Variants in ADD1 observed in about 807,000 individuals in gnomAD.
ADD1 encodes adducin 1, also known as alpha-adducin.
A neutral mutation model predicts 80.5 loss-of-function variants in ADD1; 24 were observed. That is an observed-to-expected ratio of 0.30 (90% CI 0.22 to 0.42). ADD1 has a LOEUF of 0.42. ADD1 is among the 10% of genes least tolerant of loss of function. ADD1 has a pLI of 1.00. For synonymous variants in ADD1, 373 were observed against 393.8 expected (o/e 0.95, Z 0.63); for missense variants, 948 against 1,019.0 (o/e 0.93, Z 0.95).
At chr4:2,915,707 C>T (rs1259921367) in intron 14 of ADD1, among the ~76,000 whole-genome samples, 1 of 152,148 alleles carries the variant, frequency 6.6e-6, no homozygotes, top group Admixed American at 6.5e-5. Flanking sequence ...CCTGTAATCC[C>T]AGCTACTCGG....
Position 2,904,834 on chromosome 4 carries a change from A to C in ADD1, c.1232A>C (p.Glu411Ala). Residue 411 changes from glutamate to alanine, a missense_variant, in exon 10 of 16, where the codon GAG becomes GCG. Glu to Ala is a moderately radical substitution (Grantham distance 107). Transcript: ENST00000683351. ...AAGTCTAAAAAATACAGCGATGTGGAGGTTCCTGCTAGTGTCACAGGTTAC... is the reference window on the plus strand; with the variant it reads ...AAGTCTAAAAAATACAGCGATGTGGCGGTTCCTGCTAGTGTCACAGGTTAC... ...REKSKKYSDV[E>A]VPASVTGYSF... is the part of the protein sequence containing the mutation. 2 of 1,614,188 alleles carry C rather than the reference A, an allele frequency of 1.2e-6. No homozygotes were observed. The highest frequency in any genetic ancestry group is 1.7e-6 in the Non-Finnish European group (2 of 1,180,032).
In ADD1 at chr4:2,909,332, G is replaced by A. The variant is rs1439643787; in HGVS notation, c.1699-7G>A. On this transcript the variant is annotated splice_region_variant and splice_polypyrimidine_tract_variant and intron_variant, in intron 12 of 15. Coordinates refer to ENST00000683351, the MANE Select transcript of ADD1 (RefSeq NM_001354761.2). ...GTGTGCTCTGGTGACTCAGTTTACT[G>A]TTTCAGGATGCACCTCTCTCTGACT... 1 of 1,549,628 alleles carries A rather than the reference G, an allele frequency of 6.5e-7. No individual in the cohort carries two copies. The highest frequency in any genetic ancestry group is 1.2e-5 in the South Asian group (1 of 84,030).
At chr4:2,847,010 G>T (rs928304102) in intron 1 of ADD1, among the ~76,000 whole-genome samples, 1 of 152,034 alleles carries the variant, frequency 6.6e-6, no homozygotes, top group Non-Finnish European at 1.5e-5. Flanking sequence ...CCAGCTACTC[G>T]GGAGGCTGAG....
Position 2,905,108 on chromosome 4 carries a change from G to A in ADD1, c.1506G>A (p.Leu502=), listed in dbSNP as rs1468616012. The part of the protein sequence containing the change: ...VCVPSCITNC[L]WTKEDGHRTS... Reference sequence around the variant, plus strand: ...TGCCAAGCTGTATTACCAACTGCTTGGTCTGTGCCTACCTTACTGTTCATA... The same window carrying A: ...TGCCAAGCTGTATTACCAACTGCTTAGTCTGTGCCTACCTTACTGTTCATA... The change falls in exon 10 of 16, where the codon TTG becomes TTA. Residue 502 remains leucine (L), a splice_region_variant and synonymous_variant. Coordinates refer to ENST00000683351, the MANE Select transcript of ADD1 (RefSeq NM_001354761.2). The A allele has an allele frequency of 1.2e-6, 2 of 1,614,072 alleles. No individual in the cohort carries two copies. The highest frequency in any genetic ancestry group is 1.7e-6 in the Non-Finnish European group (2 of 1,179,982).
intron 1 of ADD1, among the ~76,000 whole-genome samples, chr4:2,871,567 T>C (rs2083333866): frequency 6.6e-6 from 1 of 152,214 alleles, no homozygotes; most frequent in Non-Finnish European, 1.5e-5. Flanking sequence ...GACCAGCTCA[T>C]GTAAGGTCTG....
chr4:2,888,581 A>G (rs1181649067), intron 4 of ADD1, among the ~76,000 whole-genome samples: 5 of 148,136 alleles, frequency 3.4e-5, no homozygotes, highest in African/African-American at 1.3e-4. Context: ...ACACACAGCT[A>G]ATTTTTTTGT....
chr4:2,924,164 T>G (rs1345957496), intron 14 of ADD1, among the ~76,000 whole-genome samples: 1 of 152,210 alleles, frequency 6.6e-6, no homozygotes, highest in East Asian at 1.9e-4. Flanking sequence ...CTTGTTTTTG[T>G]CAAAGATGGG....
At chr4:2,844,495 C>T (rs1196024330) in intron 1 of ADD1, 2 of 152,220 alleles carry the variant, frequency 1.3e-5, no homozygotes, top group East Asian at 1.9e-4. Flanking sequence ...TATCTGCCGA[C>T]GGACGCTCGA....
intron 1 of ADD1, among the ~76,000 whole-genome samples, chr4:2,862,266 T>C (rs1253752932): frequency 1.3e-5 from 2 of 152,186 alleles, no homozygotes; most frequent in Non-Finnish European, 2.9e-5. Flanking sequence ...GTGAATGCGC[T>C]CAGAAGGAAT....
At chr4:2,868,087 A>G (rs1252765621) in intron 1 of ADD1, 2 of 152,234 alleles carry the variant, frequency 1.3e-5, no homozygotes, top group African/African-American at 4.8e-5. Flanking sequence ...AACAGGGCAC[A>G]CTCCGTCAGC....
chr4:2,901,076 CAGTT>C (rs961788467), intron 9 of ADD1: 17 of 152,644 alleles, frequency 1.1e-4, no homozygotes, highest in African/African-American at 3.9e-4. Context: ...GCTGAAGAAG[CAGTT>C]AGAGTTGGGT....
In ADD1 at chr4:2,857,534, G is replaced by A. The variant is rs556824325; in HGVS notation, c.-21+13510G>A. Among the ~76,000 whole-genome samples, 3 of 152,312 alleles carry A rather than the reference G, an allele frequency of 2.0e-5. No homozygotes were observed. In the South Asian group the frequency reaches 6.2e-4, roughly 32 times the overall value. ...GAGGTGGGAGGATCACTTGAGCTCA[G>A]GAGGTGGAGGTTGCAGTGAGCTGAG... is the stretch of plus-strand genomic sequence containing the variant. On this transcript the variant is annotated intron_variant, in intron 1 of 15. Coordinates refer to ENST00000683351, the MANE Select transcript of ADD1 (RefSeq NM_001354761.2).
At chr4:2,865,417 G>A (rs1729401688) in intron 1 of ADD1, among the ~76,000 whole-genome samples, 1 of 152,204 alleles carries the variant, frequency 6.6e-6, no homozygotes, top group East Asian at 1.9e-4. Context: ...CAGAGTTAAT[G>A]AAGTATCTCA....
In ADD1 at chr4:2,844,038, G is replaced by A. The variant is rs1725780085; in HGVS notation, c.-21+14G>A. On this transcript the variant is annotated intron_variant, in intron 1 of 15. Transcript: ENST00000683351. ...TTCGCTTCTGAGGTGAGGCTAGCTA[G>A]CGGGGGCGGCGGGGGCCCGGTTCGG... The A allele has an allele frequency of 6.6e-6, 1 of 151,502 alleles. No homozygotes were observed. The highest frequency in any genetic ancestry group is 1.8e-4 in the South Asian group (1 of 5,670). The allele number at this position is 151,502 out of a possible 1,614,324, so 9.4% of individuals were successfully genotyped here. A position where few individuals can be genotyped will look rare whatever the true frequency, so the allele number is the denominator to read the frequency against.
At chr4:2,915,320 A>C (rs1738807910) in intron 14 of ADD1, among the ~76,000 whole-genome samples, 1 of 152,240 alleles carries the variant, frequency 6.6e-6, no homozygotes, top group Non-Finnish European at 1.5e-5. Flanking sequence ...AACCTGACCA[A>C]CATGGAGAAA....
chr4:2,869,739 G>C (rs1257754766), intron 1 of ADD1, among the ~76,000 whole-genome samples: 1 of 152,174 alleles, frequency 6.6e-6, no homozygotes, highest in African/African-American at 2.4e-5. Context: ...ATGTAAGGTG[G>C]AAGGTGTCTC....
rs745698666 is a variant in ADD1, at chr4:2,899,631, ATTG to A, written c.1161+199_1161+201del. 16 of 647,734 alleles carry A rather than the reference ATTG, an allele frequency of 2.5e-5. No individual in the cohort carries two copies. The East Asian group carries it at 3.4e-4, about 14-fold the overall frequency. 40.1% of individuals were successfully genotyped at this position (647,734 alleles called of 1,614,324 possible). A position where few individuals can be genotyped will look rare whatever the true frequency, so the allele number is the denominator to read the frequency against. On this transcript the variant is annotated intron_variant, in intron 9 of 15. Transcript: ENST00000683351. ...AATGTAGAGGTGAAGGATTCCTGGT[ATTG>A]TTTTATTTTTTAAAGATAACCTTGT...
At chr4:2,883,147 C>T (rs1732657154) in intron 3 of ADD1, among the ~76,000 whole-genome samples, 1 of 152,194 alleles carries the variant, frequency 6.6e-6, no homozygotes, top group South Asian at 2.1e-4. Context: ...CGAACATGAG[C>T]CACCACACCT....
At chr4:2,921,625 C>A (rs1451514893) in intron 14 of ADD1, among the ~76,000 whole-genome samples, 2 of 152,002 alleles carry the variant, frequency 1.3e-5, no homozygotes, top group Non-Finnish European at 2.9e-5. Context: ...TGGGGTTGCT[C>A]TTCTTGAGGA....
Sources: gnomAD v4.1 joint callset for allele counts (sites outside exome capture counted in the v4.1 genomes callset) on GRCh38, gnomAD v4.1.1 for gene constraint, MANE v1.5 for transcripts, NCBI Gene and HGNC (gene_info 2026-07-23, HGNC 2026-07-21) for gene names.